The following ELMO1 variants were observed in gnomAD, a reference collection of about 807,000 sequenced individuals.
ELMO1 encodes engulfment and cell motility protein 1.
In ELMO1, 26 loss-of-function variants were observed where a neutral mutation model predicts 98.9. The observed-to-expected ratio is 0.26, with a 90% CI of 0.19 to 0.36. The LOEUF (loss-of-function observed/expected upper bound fraction) is 0.36. Ranked by LOEUF, ELMO1 falls within the 10% of genes least tolerant of loss-of-function variation. The pLI is 1.00. For synonymous variants in ELMO1, 346 were observed against 346.0 expected (o/e 1.00, Z 0.00); for missense variants, 627 against 935.2 (o/e 0.67, Z 4.30).
At chr7:37,157,070 G>A (rs187501614) in intron 13 of ELMO1, among the ~76,000 whole-genome samples, 1 of 150,176 alleles carries the variant, frequency 6.7e-6, no homozygotes, top group Non-Finnish European at 1.5e-5. Flanking sequence ...CAAAAACCAC[G>A]ATTATCTCAA....
chr7:36,943,131 T>C (rs1248124748), intron 16 of ELMO1, among the ~76,000 whole-genome samples: 1 of 152,144 alleles, frequency 6.6e-6, no homozygotes. Context: ...AGTTCCCACA[T>C]CTGTACACTG....
chr7:36,921,576 T>C (rs1785156843), intron 16 of ELMO1, among the ~76,000 whole-genome samples: 1 of 152,222 alleles, frequency 6.6e-6, no homozygotes, highest in African/African-American at 2.4e-5. Context: ...GTGATTTCCT[T>C]GACAGGTGGA....
intron 15 of ELMO1, among the ~76,000 whole-genome samples, chr7:37,094,563 CCACCCACTGGATGG>C (rs960277513): frequency 5.9e-5 from 9 of 152,136 alleles, no homozygotes; most frequent in African/African-American, 1.9e-4. Context: ...GAGGTCCCCT[CCACCCACTGGATGG>C]GGATCCACTG....
intron 16 of ELMO1, among the ~76,000 whole-genome samples, chr7:36,970,180 AACAC>A (rs56928749): frequency 0.16 from 22,820 of 144,154 alleles, 1,799 homozygotes; most frequent in Non-Finnish European, 0.18. Context: ...TCATACACTT[AACAC>A]ACACACACAC....
At position 37,315,886 on chromosome 7, in the gene ELMO1, A is replaced by G. The variant is rs1183967292; in HGVS notation, c.119+34T>C. ...TTATTTGCTTGTCAATTTATCAACT[A>G]GAATGCCTTAGATAAATCCTGAGTA... On this transcript the variant is annotated intron_variant, in intron 3 of 21. Coordinates refer to ENST00000310758, the MANE Select transcript of ELMO1 (RefSeq NM_014800.11). 1.9e-6 allele frequency: 3 copies of G among 1,549,466 alleles called. No individual in the cohort carries two copies. The Admixed American group carries it at 5.7e-5, about 29-fold the overall frequency.
chr7:37,365,305 C>T (rs1801861412), intron 1 of ELMO1, among the ~76,000 whole-genome samples: 1 of 152,158 alleles, frequency 6.6e-6, no homozygotes, highest in Non-Finnish European at 1.5e-5. Flanking sequence ...AGGCTGGCTG[C>T]AGGGGATCCT....
At position 36,976,941 on chromosome 7, in the gene ELMO1, CACCTG is replaced by C. The variant is rs528722849; in HGVS notation, c.1437+36353_1437+36357del. On this transcript the variant is annotated intron_variant, in intron 16 of 21. Coordinates refer to ENST00000310758, the MANE Select transcript of ELMO1 (RefSeq NM_014800.11). ...CCTACAGTTGGTGTTGAAATGGAGG[CACCTG>C]ACCTCAGTAAAAACGTGGGCTTGGG... is the stretch of plus-strand genomic sequence containing the variant. Among the ~76,000 whole-genome samples the C allele has an allele frequency of 3.8e-3, 577 of 152,290 alleles. 5 individuals carry two copies. Among genetic ancestry groups the C allele is most frequent in the Non-Finnish European group, 5.7e-3 (390 of 68,018 alleles).
At position 37,342,993 on chromosome 7, in the gene ELMO1, C is replaced by G; in HGVS notation, c.-73-230G>C. ...CCCTTGAGTCAAAGCCGCCAGGAGA[C>G]GCTGCCCTGTGGGGCACGGCTTGCG... On this transcript the variant is annotated intron_variant, in intron 1 of 21. Coordinates refer to ENST00000310758, the MANE Select transcript of ELMO1 (RefSeq NM_014800.11). This position sits in a 1 kb window ranked among gnomAD's most constrained non-coding sequence, Gnocchi z 4.3. 1 of 336,132 alleles carries G rather than the reference C, an allele frequency of 3.0e-6. No individual in the cohort carries two copies. Among genetic ancestry groups the G allele is most frequent in the Middle Eastern group, 8.4e-4 (1 of 1,188 alleles). 20.8% of individuals were successfully genotyped at this position (336,132 alleles called of 1,614,324 possible). A position where few individuals can be genotyped will look rare whatever the true frequency, so the allele number is the denominator to read the frequency against.
At chr7:37,272,539 G>A (rs575158760) in intron 4 of ELMO1, among the ~76,000 whole-genome samples, 27 of 152,340 alleles carry the variant, frequency 1.8e-4, no homozygotes, top group African/African-American at 6.0e-4. Context: ...GCCAGGCATA[G>A]TGGCAGGCGC....
intron 6 of ELMO1, among the ~76,000 whole-genome samples, chr7:37,258,546 ATCAATT>A: frequency 6.6e-6 from 1 of 152,290 alleles, no homozygotes; most frequent in Middle Eastern, 3.4e-3. Flanking sequence ...GATAGTCTCC[ATCAATT>A]TCTGGAAGGC....
chr7:36,967,530 T>C (rs1223543986), intron 16 of ELMO1, among the ~76,000 whole-genome samples: 3 of 152,138 alleles, frequency 2.0e-5, no homozygotes, highest in African/African-American at 7.2e-5. Flanking sequence ...GGCCAAACTT[T>C]GCACTTCTGG....
intron 15 of ELMO1, among the ~76,000 whole-genome samples, chr7:37,078,683 A>G (rs1000175694): frequency 6.6e-6 from 1 of 152,226 alleles, no homozygotes; most frequent in African/African-American, 2.4e-5. Context: ...AAATAATCAC[A>G]TGGAATTACA....
At chr7:37,052,888 T>G (rs760472270) in intron 15 of ELMO1, among the ~76,000 whole-genome samples, 14 of 152,122 alleles carry the variant, frequency 9.2e-5, no homozygotes, top group Non-Finnish European at 1.9e-4. Flanking sequence ...CAGGTCGTGT[T>G]TGTCTGAGGC....
intron 15 of ELMO1, among the ~76,000 whole-genome samples, chr7:37,070,363 A>G (rs1797202871): frequency 6.6e-6 from 1 of 152,240 alleles, no homozygotes; most frequent in African/African-American, 2.4e-5. Flanking sequence ...GGAAAAATTC[A>G]TATGAAGATG....
intron 5 of ELMO1, among the ~76,000 whole-genome samples, chr7:37,266,102 G>GA (rs1464653558): frequency 6.6e-6 from 1 of 152,160 alleles, no homozygotes; most frequent in African/African-American, 2.4e-5. Flanking sequence ...GCAGCCTGGG[G>GA]ATCCTGTGTC....
chr7:37,273,524 T>C (rs1168907575), intron 4 of ELMO1, among the ~76,000 whole-genome samples: 2 of 152,236 alleles, frequency 1.3e-5, no homozygotes, highest in Non-Finnish European at 2.9e-5. Flanking sequence ...CTCTTTTCTT[T>C]ATAAATTACC....
At chr7:36,963,416 T>G (rs1011913899) in intron 16 of ELMO1, among the ~76,000 whole-genome samples, 6 of 151,348 alleles carry the variant, frequency 4.0e-5, no homozygotes, top group Non-Finnish European at 5.9e-5. Flanking sequence ...AATAAATAAA[T>G]AAAGGCATCT....
intron 14 of ELMO1, among the ~76,000 whole-genome samples, chr7:37,102,385 G>A (rs1431694431): frequency 6.6e-6 from 1 of 152,186 alleles, no homozygotes; most frequent in Non-Finnish European, 1.5e-5. Context: ...GCCCTAATAG[G>A]ATGGTTTTAA....
At chr7:37,312,000 GAA>G (rs1433997725) in intron 4 of ELMO1, among the ~76,000 whole-genome samples, 3 of 152,164 alleles carry the variant, frequency 2.0e-5, no homozygotes, top group African/African-American at 7.2e-5. Context: ...TTTTAATCAG[GAA>G]AAAAGCATAA....
Sources: gnomAD v4.1 joint callset for allele counts (sites outside exome capture counted in the v4.1 genomes callset) on GRCh38, gnomAD v4.1.1 for gene constraint, Gnocchi (gnomAD v3.1) non-coding constraint, MANE v1.5 for transcripts, NCBI Gene and HGNC (gene_info 2026-07-23, HGNC 2026-07-21) for gene names.